CUBN: variants seen among roughly 807,000 people sequenced by gnomAD.
The protein encoded by CUBN is 460 kDa receptor.
CUBN carries 282 observed loss-of-function variants against 405.3 expected under a neutral mutation model. That is an observed-to-expected ratio of 0.70 (90% CI 0.63 to 0.77). CUBN has a LOEUF of 0.77. Among genes scored for constraint, CUBN ranks in the 30% least tolerant of loss-of-function variants. The pLI is 0.00. For missense variants in CUBN, 4,514 were observed against 4,475.2 expected, an observed-to-expected ratio of 1.01 and a Z score of -0.25; for synonymous variants, 1,684 against 1,617.0, an observed-to-expected ratio of 1.04 and a Z score of -0.99.
intron 57 of CUBN, among the ~76,000 whole-genome samples, chr10:16,875,453 A>C (rs187407693): frequency 9.1e-4 from 139 of 152,256 alleles, no homozygotes; most frequent in Admixed American, 2.2e-3. Context: ...TCCACTTTAC[A>C]TCCTCAGAAA....
At chr10:16,957,283 T>C (rs1843090965) in intron 31 of CUBN, among the ~76,000 whole-genome samples, 1 of 152,224 alleles carries the variant, frequency 6.6e-6, no homozygotes, top group Admixed American at 6.5e-5. Flanking sequence ...AGTGACATCA[T>C]GCAATATTTA....
rs977258037 is a variant in CUBN, at chr10:16,963,191, T to G, written c.4696-8643A>C. Among the ~76,000 whole-genome samples the G allele has an allele frequency of 3.1e-4, 19 of 60,522 alleles. 1 individual carries two copies. Among genetic ancestry groups the G allele is most frequent in the African/African-American group, 7.9e-4 (16 of 20,250 alleles). 39.7% of individuals were successfully genotyped at this position (60,522 alleles called of 152,430 possible). On this transcript the variant is annotated intron_variant, in intron 31 of 66. Coordinates refer to ENST00000377833, the MANE Select transcript of CUBN (RefSeq NM_001081.4). ...ATTTCTTTTTTCTTTTCTTTTCTTT[T>G]TTTTCTTTTTTTTTTTTTTTTGAGA... is the stretch of plus-strand genomic sequence containing the variant.
At position 16,918,786 on chromosome 10, in the gene CUBN, T is replaced by C. The variant is rs776430724; in HGVS notation, c.6836A>G (p.Tyr2279Cys). ...IEVTPNCTSN[Y>C]LELRDGVDSD... ...ATCCACTCCATCCCGCAACTCAAGG[T>C]AGTTGGAAGTACAGCTGAAGTGGGA... Residue 2279 changes from tyrosine (Y) to cysteine (C), a missense_variant, in exon 45 of 67, where the codon TAC becomes TGC. Transcript: ENST00000377833. 4 of 1,613,646 alleles carry C rather than the reference T, an allele frequency of 2.5e-6. No homozygotes were observed. The South Asian group carries it at 4.4e-5, about 18-fold the overall frequency.
intron 31 of CUBN, among the ~76,000 whole-genome samples, chr10:16,979,649 C>G (rs12571010): frequency 0.027 from 4,042 of 152,206 alleles, 154 homozygotes; most frequent in East Asian, 0.18. Flanking sequence ...ATGCAGAAAA[C>G]TGAAATTGGA....
At chr10:17,090,887 A>G (rs112915335) in intron 14 of CUBN, among the ~76,000 whole-genome samples, 30 of 151,388 alleles carry the variant, frequency 2.0e-4, no homozygotes, top group African/African-American at 7.0e-4. Context: ...TAAGATCACT[A>G]TGAATATATA....
chr10:16,946,001 T>C (rs913494530), intron 36 of CUBN, among the ~76,000 whole-genome samples: 2 of 152,174 alleles, frequency 1.3e-5, no homozygotes, highest in East Asian at 3.8e-4. Context: ...ATGCACAGAT[T>C]AGCAAGTCTT....
At chr10:16,855,646 A>G (rs1193529030) in intron 59 of CUBN, among the ~76,000 whole-genome samples, 1 of 152,176 alleles carries the variant, frequency 6.6e-6, no homozygotes, top group East Asian at 1.9e-4. Context: ...TGAATTTTGG[A>G]TGGTTTGTTA....
chr10:17,118,397 T>C (rs1453657424), intron 6 of CUBN, among the ~76,000 whole-genome samples: 1 of 152,180 alleles, frequency 6.6e-6, no homozygotes, highest in Non-Finnish European at 1.5e-5. Flanking sequence ...TTCTGATAAG[T>C]AGAGTTATAT....
At chr10:16,965,756 T>G in intron 31 of CUBN, 1 of 228,330 alleles carries the variant, frequency 4.4e-6, no homozygotes, top group Non-Finnish European at 8.9e-6. Flanking sequence ...GAAGCAGGAG[T>G]CATTGTAATA....
intron 14 of CUBN, among the ~76,000 whole-genome samples, chr10:17,089,899 A>T (rs868079181): frequency 7.2e-5 from 11 of 152,246 alleles, no homozygotes; most frequent in Middle Eastern, 3.4e-3. Context: ...CTGAGGCAGG[A>T]ATATCATTTG....
At chr10:17,038,934 A>G (rs1245974048) in intron 27 of CUBN, among the ~76,000 whole-genome samples, 1 of 152,226 alleles carries the variant, frequency 6.6e-6, no homozygotes, top group African/African-American at 2.4e-5. Flanking sequence ...CACGTCATCC[A>G]TAAGGGGCTC....
intron 11 of CUBN, 103 bp from the exon 12 acceptor site, chr10:17,104,708 TATA>T: frequency 3.4e-6 from 1 of 289,962 alleles, no homozygotes. Flanking sequence ...ATATATAATA[TATA>T]ATAATTATAT....
chr10:16,857,452 T>G (rs1839895155), intron 59 of CUBN, among the ~76,000 whole-genome samples: 1 of 152,240 alleles, frequency 6.6e-6, no homozygotes, highest in Non-Finnish European at 1.5e-5. Context: ...TATCTTTTAA[T>G]TTATCTTGCA....
At chr10:17,010,048 G>A (rs548822916) in intron 28 of CUBN, among the ~76,000 whole-genome samples, 6 of 152,300 alleles carry the variant, frequency 3.9e-5, no homozygotes, top group African/African-American at 1.2e-4. Context: ...TTACCCGGGA[G>A]CTTGTTAGAA....
chr10:17,083,304 G>C (rs968959775), intron 17 of CUBN, among the ~76,000 whole-genome samples: 2 of 152,034 alleles, frequency 1.3e-5, no homozygotes, highest in Admixed American at 6.6e-5. Context: ...TTGGGAGTTT[G>C]AGACCAGCCT....
At position 17,068,789 on chromosome 10, in the gene CUBN, T is replaced by A. The variant is rs758169176; in HGVS notation, c.2626-19A>T. The stretch of plus-strand genomic sequence containing the variant: ...TACCAATCTAAAATTAGAGAAGATA[T>A]GTTCAAATATGTTGTATATCAATTT... On this transcript the variant is annotated intron_variant, in intron 19 of 66. Transcript: ENST00000377833. The A allele has an allele frequency of 5.1e-6, 8 of 1,580,022 alleles. No homozygotes were observed. In the South Asian group the frequency reaches 8.9e-5, roughly 18 times the overall value.
At chr10:16,973,056 T>C (rs1233266358) in intron 31 of CUBN, among the ~76,000 whole-genome samples, 1 of 152,184 alleles carries the variant, frequency 6.6e-6, no homozygotes, top group Non-Finnish European at 1.5e-5. Flanking sequence ...ACTGACTCCA[T>C]ACTACCTATA....
chr10:16,830,619 T>A (rs1838959652), intron 65 of CUBN, among the ~76,000 whole-genome samples: 1 of 152,176 alleles, frequency 6.6e-6, no homozygotes, highest in South Asian at 2.1e-4. Flanking sequence ...ATAAGTTGGA[T>A]TTTTGGTAAA....
chr10:16,944,386 T>G (rs1027955795), intron 36 of CUBN, among the ~76,000 whole-genome samples: 4 of 152,226 alleles, frequency 2.6e-5, no homozygotes, highest in Non-Finnish European at 4.4e-5. Context: ...AGGTTTTATT[T>G]CTCCCCGTTC....
Sources: gnomAD v4.1 joint callset for allele counts (sites outside exome capture counted in the v4.1 genomes callset) on GRCh38, gnomAD v4.1.1 for gene constraint, MANE v1.5 for transcripts, NCBI Gene and HGNC (gene_info 2026-07-23, HGNC 2026-07-21) for gene names.